The following ZNF280C variants were observed in gnomAD, a reference collection of about 807,000 sequenced individuals.
ZNF280C encodes the protein suppressor of hairy wing homolog 3.
A neutral mutation model predicts 53.6 loss-of-function variants in ZNF280C; 14 were observed. The observed-to-expected ratio is 0.26, with a 90% confidence interval of 0.17 to 0.41. The LOEUF is 0.41. ZNF280C is among the 10% of genes least tolerant of loss of function. ZNF280C has a pLI of 1.00. For synonymous variants in ZNF280C, 203 were observed against 181.1 expected (o/e 1.12, Z -0.97); for missense variants, 416 against 547.1 (o/e 0.76, Z 2.39).
intron 16 of ZNF280C, among the ~76,000 whole-genome samples, chrX:130,208,994 C>A (rs1384681540): frequency 8.9e-6 from 1 of 112,264 alleles, no homozygotes; most frequent in Non-Finnish European, 1.9e-5. Flanking sequence ...CTGCACTTGG[C>A]CTAACATGAG....
intron 15 of ZNF280C, among the ~76,000 whole-genome samples, chrX:130,211,841 C>T (rs954275836): frequency 5.4e-5 from 6 of 111,752 alleles, no homozygotes; most frequent in Admixed American, 9.5e-5. Context: ...GAGGGGAGGA[C>T]GGAATGACAC....
intron 2 of ZNF280C, among the ~76,000 whole-genome samples, chrX:130,255,131 CTTTTTTTTTCTTTTTT>C (rs1569440291): frequency 1.0e-5 from 1 of 99,388 alleles, no homozygotes; most frequent in Non-Finnish European, 2.0e-5. Flanking sequence ...AAATCATTTT[CTTTTTTTTTCTTTTTT>C]TTTTTTTTTT....
chrX:130,222,215 T>C (rs1477818742), intron 12 of ZNF280C, among the ~76,000 whole-genome samples: 1 of 107,146 alleles, frequency 9.3e-6, no homozygotes, highest in East Asian at 2.9e-4. Context: ...GCACTCTCTA[T>C]CTACCTATAT....
At chrX:130,244,303 G>T (rs764203342) in intron 3 of ZNF280C, among the ~76,000 whole-genome samples, 1 of 111,724 alleles carries the variant, frequency 9.0e-6, no homozygotes, top group East Asian at 2.8e-4. Context: ...CCTCTGGATC[G>T]GTTTAAGACT....
At chrX:130,249,875 G>A (rs770745423) in intron 2 of ZNF280C, among the ~76,000 whole-genome samples, 1 of 111,901 alleles carries the variant, frequency 8.9e-6, no homozygotes, top group African/African-American at 3.2e-5. Flanking sequence ...TGAGATGCAG[G>A]AGTACACTGA....
chrX:130,265,460 T>G (rs1348761284), intron 1 of ZNF280C, among the ~76,000 whole-genome samples: 2 of 112,634 alleles, frequency 1.8e-5, no homozygotes, highest in Admixed American at 1.9e-4. Flanking sequence ...CCAATCTGTA[T>G]AGTAAATATT....
intron 9 of ZNF280C, 80 bp downstream of exon 9, chrX:130,230,430 G>A: frequency 1.7e-6 from 1 of 598,920 alleles, no homozygotes; most frequent in Non-Finnish European, 2.5e-6. Flanking sequence ...ACCGAGGATG[G>A]CAGAGCAATG....
At chrX:130,255,781 G>A (rs758607597) in intron 2 of ZNF280C, among the ~76,000 whole-genome samples, 4 of 111,069 alleles carry the variant, frequency 3.6e-5, no homozygotes, top group South Asian at 3.8e-4. Context: ...ATGGTGAGAC[G>A]CTGTCCCTAC....
intron 2 of ZNF280C, among the ~76,000 whole-genome samples, chrX:130,259,905 G>A (rs1344794862): frequency 9.0e-6 from 1 of 111,413 alleles, no homozygotes; most frequent in Non-Finnish European, 1.9e-5. Flanking sequence ...CATGAGAATT[G>A]CTTGAACCTG....
chrX:130,230,778 G>C, intron 8 of ZNF280C, 51 bp from the exon 9 acceptor site: 2 of 829,498 alleles, frequency 2.4e-6, no homozygotes, highest in Non-Finnish European at 3.5e-6. Context: ...TTAAAGATTA[G>C]ATACCAAAAA....
At position 130,215,820 on chromosome X, in the gene ZNF280C, A is replaced by G; in HGVS notation, c.1809T>C (p.Asn603=). 1 of 1,205,811 alleles carries G rather than the reference A, an allele frequency of 8.3e-7. No individual in the cohort carries two copies. The highest frequency in any genetic ancestry group is 1.1e-6 in the Non-Finnish European group (1 of 893,539). Residue 603 remains asparagine (N), a synonymous_variant, in exon 14 of 19, where the codon AAT becomes AAC. Coordinates refer to ENST00000370978, the MANE Select transcript of ZNF280C (RefSeq NM_017666.5). The stretch of plus-strand genomic sequence containing the variant: ...TGTTCTTCAAAGCAAGGCTCATTTT[A>G]TTTTTTCTGTTGCGCTGTCGCTTTT... ...YKQKRQRNRK[N]KMSLALKNIR...
chrX:130,234,603 T>C (rs1415595736), intron 8 of ZNF280C, among the ~76,000 whole-genome samples: 3 of 112,369 alleles, frequency 2.7e-5, no homozygotes, highest in Non-Finnish European at 5.6e-5. Context: ...TTTCCTAAGT[T>C]GCTTCTTTGC....
chrX:130,257,693 T>C (rs938391912), intron 2 of ZNF280C, among the ~76,000 whole-genome samples: 1 of 112,037 alleles, frequency 8.9e-6, no homozygotes, highest in Non-Finnish European at 1.9e-5. Flanking sequence ...TCTCTACCTC[T>C]CTCTCTCTCC....
chrX:130,230,484 A>G, intron 9 of ZNF280C, 26 bp downstream of exon 9: 2 of 1,076,433 alleles, frequency 1.9e-6, no homozygotes, highest in Non-Finnish European at 2.5e-6. Context: ...ACTTTCAAAC[A>G]GAAATAAAAA....
intron 15 of ZNF280C, among the ~76,000 whole-genome samples, chrX:130,214,225 G>A (rs902147910): frequency 2.6e-4 from 29 of 111,708 alleles, no homozygotes; most frequent in Non-Finnish European, 5.3e-4. Context: ...AAGCCCCTGT[G>A]AATGAGGTTC....
chrX:130,222,275 A>AT (rs2032173135), intron 12 of ZNF280C, among the ~76,000 whole-genome samples: 1 of 46,325 alleles, frequency 2.2e-5, no homozygotes, highest in Non-Finnish European at 3.8e-5. Context: ...ACATTCAGAC[A>AT]CCACACACAC....
intron 2 of ZNF280C, among the ~76,000 whole-genome samples, chrX:130,256,610 T>TG (rs1215905101): frequency 1.9e-5 from 2 of 103,470 alleles, no homozygotes; most frequent in Non-Finnish European, 4.0e-5. Flanking sequence ...GACAAAGAAG[T>TG]GGGGGGGCGC....
intron 11 of ZNF280C, 33 bp from the exon 12 acceptor site, chrX:130,226,938 A>G (rs1241777023): frequency 1.1e-5 from 13 of 1,150,465 alleles, no homozygotes; most frequent in Non-Finnish European, 1.3e-5. Context: ...GTTTAACTTG[A>G]TATTTTATAA....
chrX:130,226,633 G>T, intron 12 of ZNF280C, 126 bp downstream of exon 12: 1 of 682,672 alleles, frequency 1.5e-6, no homozygotes, highest in Admixed American at 4.1e-5. Flanking sequence ...TTTGCTTTCT[G>T]TCCAGAACAA....
Sources: gnomAD v4.1 joint callset for allele counts (sites outside exome capture counted in the v4.1 genomes callset) on GRCh38, gnomAD v4.1.1 for gene constraint, MANE v1.5 for transcripts, NCBI Gene and HGNC (gene_info 2026-07-23, HGNC 2026-07-21) for gene names.